Variants in STK33 observed in about 807,000 individuals in gnomAD.
The protein encoded by STK33 is serine/threonine-protein kinase 33.
STK33 carries 52 observed loss-of-function variants against 58.0 expected under a neutral mutation model. The ratio of observed to expected loss-of-function variants is 0.90; its 90% CI spans 0.72 to 1.13. STK33 has a LOEUF of 1.13. STK33 is among the 50% of genes most tolerant of loss of function. The probability of loss-of-function intolerance (pLI) is 0.00; values close to 1 mark genes in which losing one functional copy is unlikely to be tolerated. For synonymous variants in STK33, 215 were observed against 200.1 expected, an observed-to-expected ratio of 1.07 and a Z score of -0.63; for missense variants, 630 against 604.2, an observed-to-expected ratio of 1.04 and a Z score of -0.45.
chr11:8,534,566 CTCTGTG>C (rs1239023020), intron 1 of STK33, among the ~76,000 whole-genome samples: 16 of 106,472 alleles, frequency 1.5e-4, no homozygotes, highest in African/African-American at 4.1e-4. Context: ...CTCTCTCTCT[CTCTGTG>C]TGTGTGTGTG....
Position 8,410,471 on chromosome 11 carries a change from T to TTTC in STK33, c.1344+3023_1344+3024insGAA, listed in dbSNP as rs1554905547. Reference sequence around the variant, plus strand: ...CAAAAATCTATTTTCTTTTCTTTTCTTTTTTTTTTTTTTTTTTCTGAGACA... The same window carrying TTTC: ...CAAAAATCTATTTTCTTTTCTTTTCTTTCTTTTTTTTTTTTTTTTTCTGAGACA... On this transcript the variant is annotated intron_variant, in intron 15 of 15. Transcript: ENST00000687296. 1.6e-4 allele frequency among the ~76,000 whole-genome samples: 6 copies of TTTC among 37,204 alleles called. No homozygotes were observed. In the East Asian group the frequency reaches 7.3e-3, roughly 45 times the overall value. 24.4% of individuals were successfully genotyped at this position (37,204 alleles called of 152,430 possible).
the STK33 span, among the ~76,000 whole-genome samples, chr11:8,382,272 C>A: frequency 6.6e-6 from 1 of 152,252 alleles, no homozygotes; most frequent in Non-Finnish European, 1.5e-5. Context: ...TCTTGCTGGG[C>A]AGCTGCCGCC....
chr11:8,473,303 A>T (rs1222239711), intron 5 of STK33, 27 bp from the exon 6 acceptor site: 1 of 1,379,228 alleles, frequency 7.3e-7, no homozygotes, highest in Non-Finnish European at 1.0e-6. Context: ...AATTAAAAAA[A>T]AAAAACTTTA....
At chr11:8,363,622 A>G in the STK33 span, among the ~76,000 whole-genome samples, 4 of 152,240 alleles carry the variant, frequency 2.6e-5, no homozygotes, top group African/African-American at 9.6e-5. Flanking sequence ...AGGTGCATGT[A>G]CCAGCAGCTC....
intron 1 of STK33, among the ~76,000 whole-genome samples, chr11:8,502,040 T>C (rs1164679323): frequency 6.6e-6 from 1 of 150,684 alleles, no homozygotes; most frequent in East Asian, 2.0e-4. Flanking sequence ...AAGTGACTAA[T>C]AGGTATGAGG....
chr11:8,422,789 C>G (rs1942115035), intron 14 of STK33, among the ~76,000 whole-genome samples: 1 of 151,910 alleles, frequency 6.6e-6, no homozygotes, highest in South Asian at 2.1e-4. Flanking sequence ...TTATCTACGG[C>G]TATATTCCCT....
At chr11:8,583,942 G>T (rs576949722) in intron 1 of STK33, among the ~76,000 whole-genome samples, 1 of 152,144 alleles carries the variant, frequency 6.6e-6, no homozygotes, top group Admixed American at 6.5e-5. Context: ...ATTCAATTCT[G>T]AGTATAACGA....
chr11:8,516,374 G>A (rs897161142), intron 1 of STK33, among the ~76,000 whole-genome samples: 6 of 152,094 alleles, frequency 3.9e-5, no homozygotes, highest in African/African-American at 1.2e-4. Flanking sequence ...TGAAACTGGG[G>A]GCAGATTCCT....
At chr11:8,382,289 C>T in the STK33 span, among the ~76,000 whole-genome samples, 5 of 152,206 alleles carry the variant, frequency 3.3e-5, no homozygotes, top group African/African-American at 1.2e-4. Flanking sequence ...CGCCACAGCC[C>T]CTGGCTGACC....
At chr11:8,563,209 A>G (rs557112096) in intron 1 of STK33, among the ~76,000 whole-genome samples, 2 of 152,288 alleles carry the variant, frequency 1.3e-5, no homozygotes, top group East Asian at 3.9e-4. Flanking sequence ...TGGGATACCC[A>G]TAGGCCTTCT....
intron 11 of STK33, among the ~76,000 whole-genome samples, chr11:8,444,146 CTTTA>C (rs1339341816): frequency 1.3e-5 from 2 of 152,006 alleles, no homozygotes; most frequent in African/African-American, 2.4e-5. Context: ...CCATTGGGAG[CTTTA>C]TTTATTATTT....
In STK33 at chr11:8,482,736, A is replaced by T. The variant is rs574562298; in HGVS notation, c.-465-2122T>A. ...ATTTTTATTTTTTATTTATTTATTT[A>T]TTTATTTTTTTGAGACAGAGTCTCG... is the stretch of plus-strand genomic sequence containing the variant. On this transcript the variant is annotated intron_variant, in intron 1 of 15. Coordinates refer to ENST00000687296, the MANE Select transcript of STK33 (RefSeq NM_001352389.2). 9.5e-4 allele frequency among the ~76,000 whole-genome samples: 144 copies of T among 151,296 alleles called. 1 individual carries two copies. Among genetic ancestry groups the T allele is most frequent in the South Asian group, 1.5e-3 (7 of 4,756 alleles).
intron 1 of STK33, among the ~76,000 whole-genome samples, chr11:8,593,471 T>C (rs2032935495): frequency 6.6e-6 from 1 of 152,292 alleles, no homozygotes; most frequent in African/African-American, 2.4e-5. Flanking sequence ...GCTTCACATA[T>C]AGGTTCACTG....
At chr11:8,407,376 G>C (rs1263560485) in intron 15 of STK33, among the ~76,000 whole-genome samples, 1 of 151,858 alleles carries the variant, frequency 6.6e-6, no homozygotes, top group Non-Finnish European at 1.5e-5. Context: ...TAAATGAGTT[G>C]GGAAATATTC....
intron 5 of STK33, 30 bp from the exon 6 acceptor site, chr11:8,473,306 A>T (rs1321114742): frequency 7.5e-7 from 1 of 1,340,642 alleles, no homozygotes; most frequent in African/African-American, 1.5e-5. Flanking sequence ...TAAAAAAAAA[A>T]AACTTTAAGA....
At chr11:8,585,482 C>T (rs1178254410) in intron 1 of STK33, among the ~76,000 whole-genome samples, 3 of 150,216 alleles carry the variant, frequency 2.0e-5, no homozygotes, top group East Asian at 4.0e-4. Context: ...GCCTCAGCCT[C>T]CCAAAGTGCT....
chr11:8,336,074 G>A, the STK33 span, among the ~76,000 whole-genome samples: 8 of 152,200 alleles, frequency 5.3e-5, no homozygotes, highest in Non-Finnish European at 1.0e-4. Context: ...GCTGGAGCCT[G>A]AGGTGGCCCC....
the STK33 span, among the ~76,000 whole-genome samples, chr11:8,360,989 T>C: frequency 2.6e-5 from 4 of 152,232 alleles, no homozygotes; most frequent in African/African-American, 7.2e-5. Flanking sequence ...TAAATTAGCG[T>C]TGCATTGAAA....
the STK33 span, among the ~76,000 whole-genome samples, chr11:8,358,942 G>C: frequency 6.6e-6 from 1 of 152,152 alleles, no homozygotes; most frequent in Non-Finnish European, 1.5e-5. Context: ...TCAGCAATGG[G>C]ACAGTCAAAA....
Sources: allele counts gnomAD v4.1 joint callset (sites outside exome capture counted in the v4.1 genomes callset), GRCh38; gene constraint gnomAD v4.1.1; transcripts MANE v1.5; gene names NCBI Gene and HGNC (gene_info 2026-07-23, HGNC 2026-07-21).